The following MECR variants were observed in gnomAD, a reference collection of about 807,000 sequenced individuals.
MECR encodes enoyl-[acyl-carrier-protein] reductase, mitochondrial.
In MECR, 37 loss-of-function variants were observed where a neutral mutation model predicts 49.1. That is an observed-to-expected ratio of 0.75 (90% CI 0.58 to 0.99). The LOEUF (loss-of-function observed/expected upper bound fraction) is 0.99, where lower values mean the gene tolerates loss of function less well. Among genes scored for constraint, MECR ranks in the 50% least tolerant of loss-of-function variants. MECR has a pLI of 0.00. For missense variants in MECR, 470 were observed against 479.6 expected, an observed-to-expected ratio of 0.98 and a Z score of 0.19; for synonymous variants, 198 against 191.1, an observed-to-expected ratio of 1.04 and a Z score of -0.30.
chr1:29,198,779 G>A (rs35251253), intron 7 of MECR, among the ~76,000 whole-genome samples: 3,629 of 152,270 alleles, frequency 0.024, 59 homozygotes, highest in Middle Eastern at 0.082. Context: ...ACCATGCCTG[G>A]CTAATTTTTG....
At chr1:29,223,506 G>A (rs984195454) in intron 1 of MECR, 6 of 158,090 alleles carry the variant, frequency 3.8e-5, no homozygotes, top group Admixed American at 3.3e-4. Context: ...GCAGGAAGAA[G>A]AGGTAGGGAG....
At chr1:29,186,653 C>T in the MECR span, among the ~76,000 whole-genome samples, 1 of 152,194 alleles carries the variant, frequency 6.6e-6, no homozygotes, top group Admixed American at 6.5e-5. Flanking sequence ...TTTTCTCATG[C>T]CTCCCCATGA....
chr1:29,179,518 C>T, the MECR span, among the ~76,000 whole-genome samples: 1 of 151,986 alleles, frequency 6.6e-6, no homozygotes, highest in Non-Finnish European at 1.5e-5. Flanking sequence ...TGTCACCACG[C>T]GTGGCTAATT....
intron 3 of MECR, among the ~76,000 whole-genome samples, chr1:29,212,041 A>G (rs531822184): frequency 1.3e-5 from 2 of 152,304 alleles, no homozygotes; most frequent in Non-Finnish European, 2.9e-5. Flanking sequence ...ATGCTCACAA[A>G]ATGTTTACTG....
At chr1:29,199,731 G>C (rs903970571) in intron 7 of MECR, among the ~76,000 whole-genome samples, 2 of 151,068 alleles carry the variant, frequency 1.3e-5, no homozygotes, top group African/African-American at 2.4e-5. Context: ...TGATTCTCGT[G>C]ACTCAGCCTC....
chr1:29,227,724 C>T (rs899032686), intron 1 of MECR, among the ~76,000 whole-genome samples: 4 of 152,180 alleles, frequency 2.6e-5, no homozygotes, highest in African/African-American at 9.7e-5. Flanking sequence ...TGTAACCTGA[C>T]CCAGACAGCC....
chr1:29,188,036 C>CAAAA (rs57284689), downstream of MECR, among the ~76,000 whole-genome samples: 876 of 66,130 alleles, frequency 0.013, 38 homozygotes, highest in African/African-American at 0.04. Flanking sequence ...GACTCTGTCT[C>CAAAA]AAAAAAAAAA....
At chr1:29,175,600 C>A in the MECR span, among the ~76,000 whole-genome samples, 48 of 135,100 alleles carry the variant, frequency 3.6e-4, no homozygotes, top group African/African-American at 1.3e-3. Context: ...GAGGCTGAGG[C>A]AGGAGAATGG....
At chr1:29,168,782 T>C in the MECR span, 1 of 152,100 alleles carries the variant, frequency 6.6e-6, no homozygotes, top group Non-Finnish European at 1.5e-5. Flanking sequence ...GATCTAGACG[T>C]GGTGGATGTG....
At chr1:29,189,170 C>A (rs1673075615), downstream of MECR, among the ~76,000 whole-genome samples, 1 of 144,520 alleles carries the variant, frequency 6.9e-6, no homozygotes, top group African/African-American at 2.9e-5. Flanking sequence ...GAACTGACCT[C>A]AGGTGACCCG....
At position 29,230,885 on chromosome 1, in the gene MECR, A is replaced by G; in HGVS notation, c.22T>C (p.Trp8Arg). The part of the protein sequence containing the change: MWVCSTL[W>R]RVRTPARQWR... ...TGCCGGGCGGGGGTTCGCACCCGCC[A>G]CAGGGTACTGCAGACCCACATGCTC... Residue 8 changes from tryptophan (W) to arginine (R), a missense_variant, in exon 1 of 10, where the codon TGG becomes CGG. Trp to Arg is a moderately radical substitution (Grantham distance 101, BLOSUM62 -3). Transcript: ENST00000263702. 2.5e-6 allele frequency: 4 copies of G among 1,609,242 alleles called. No homozygotes were observed. Among genetic ancestry groups the G allele is most frequent in the Non-Finnish European group, 3.4e-6 (4 of 1,179,636 alleles).
chr1:29,203,122 C>A lies in MECR; in HGVS notation c.653+9G>T. 6.4e-7 allele frequency: 1 copy of A among 1,561,618 alleles called. No homozygotes were observed. Among genetic ancestry groups the A allele is most frequent in the Non-Finnish European group, 8.7e-7 (1 of 1,149,946 alleles). Reference sequence around the variant, plus strand: ...CATGGTCTGGGATGAAGCCTCCTTCCCCACGCACCTGTCTCGGACCACATT... The same window carrying A: ...CATGGTCTGGGATGAAGCCTCCTTCACCACGCACCTGTCTCGGACCACATT... On this transcript the variant is annotated intron_variant, in intron 5 of 9. Coordinates refer to ENST00000263702, the MANE Select transcript of MECR (RefSeq NM_016011.5).
At chr1:29,184,418 G>C in the MECR span, among the ~76,000 whole-genome samples, 2 of 151,904 alleles carry the variant, frequency 1.3e-5, no homozygotes, top group African/African-American at 4.8e-5. Context: ...CTCAGGTGAG[G>C]TGGCGTGAGC....
In MECR at chr1:29,216,610, T is replaced by C; in HGVS notation, c.252A>G (p.Pro84=). ...RVKMLAAPIN[P]SDINMIQGNY... is the part of the protein sequence containing the mutation. ...TACCTTGGATCATATTTATGTCAGA[T>C]GGATTGATAGGGGCCGCCAGCATCT... Residue 84 remains proline, a synonymous_variant, in exon 2 of 10, where the codon CCA becomes CCG. Coordinates refer to ENST00000263702, the MANE Select transcript of MECR (RefSeq NM_016011.5). 6.2e-7 allele frequency: 1 copy of C among 1,614,176 alleles called. No individual in the cohort carries two copies.
chr1:29,211,043 C>A (rs1034378278), intron 3 of MECR, among the ~76,000 whole-genome samples: 4 of 152,114 alleles, frequency 2.6e-5, no homozygotes, highest in Non-Finnish European at 5.9e-5. Flanking sequence ...CAAACTGTGG[C>A]CTGTGGGCTA....
At chr1:29,203,436 C>T (rs1675826075) in intron 4 of MECR, among the ~76,000 whole-genome samples, 1 of 150,974 alleles carries the variant, frequency 6.6e-6, no homozygotes, top group African/African-American at 2.4e-5. Context: ...ACTCACGATG[C>T]CTCCCAGGAC....
intron 3 of MECR, among the ~76,000 whole-genome samples, chr1:29,209,497 C>T (rs1677421319): frequency 6.6e-6 from 1 of 151,894 alleles, no homozygotes; most frequent in Non-Finnish European, 1.5e-5. Flanking sequence ...GGAGGGGCAG[C>T]GTGGAAGCCA....
chr1:29,196,180 C>T lies in MECR; in HGVS notation c.891+18G>A. 1.2e-6 allele frequency: 2 copies of T among 1,614,104 alleles called. No homozygotes were observed. The highest frequency in any genetic ancestry group is 1.7e-6 in the Non-Finnish European group (2 of 1,179,970). ...TCTGGCCCGGCTCCAGGCATGCCTC[C>T]CTCTGCACCCAGCTTACCACAGAGG... On this transcript the variant is annotated intron_variant, in intron 8 of 9. Coordinates refer to ENST00000263702, the MANE Select transcript of MECR (RefSeq NM_016011.5).
chr1:29,199,745 A>C (rs534353675), intron 7 of MECR, among the ~76,000 whole-genome samples: 22 of 151,314 alleles, frequency 1.5e-4, no homozygotes, highest in African/African-American at 4.9e-4. Context: ...CAGCCTCCCA[A>C]GTAGCTGGGA....
Sources: allele counts gnomAD v4.1 joint callset (sites outside exome capture counted in the v4.1 genomes callset), GRCh38; gene constraint gnomAD v4.1.1; transcripts MANE v1.5; gene names NCBI Gene and HGNC (gene_info 2026-07-23, HGNC 2026-07-21).